The following LRRFIP2 variants were observed in gnomAD, a reference collection of about 807,000 sequenced individuals.
The protein encoded by LRRFIP2 is LRR binding FLII interacting protein 2.
LRRFIP2 carries 109 observed loss-of-function variants against 125.9 expected under a neutral mutation model. The observed-to-expected ratio is 0.87, with a 90% CI of 0.74 to 1.01. LRRFIP2 has a LOEUF of 1.01. Among genes scored for constraint, LRRFIP2 ranks in the 50% least tolerant of loss-of-function variants. The pLI, the probability that LRRFIP2 is intolerant of heterozygous loss-of-function variation, is 0.00. For missense variants in LRRFIP2, 850 were observed against 862.3 expected, an observed-to-expected ratio of 0.99 and a Z score of 0.18; for synonymous variants, 291 against 293.1, an observed-to-expected ratio of 0.99 and a Z score of 0.07.
intron 18 of LRRFIP2, among the ~76,000 whole-genome samples, chr3:37,087,790 T>C (rs1487322575): frequency 6.6e-6 from 1 of 152,136 alleles, no homozygotes; most frequent in Non-Finnish European, 1.5e-5. Flanking sequence ...GGTTTCACCA[T>C]GTTGGCCAGG....
chr3:37,090,869 A>G (rs1040204422), intron 18 of LRRFIP2, among the ~76,000 whole-genome samples: 5 of 152,204 alleles, frequency 3.3e-5, no homozygotes, highest in African/African-American at 1.2e-4. Context: ...GGGGATATTT[A>G]TAATAATGGT....
intron 19 of LRRFIP2, among the ~76,000 whole-genome samples, chr3:37,082,970 A>C (rs1264012282): frequency 6.6e-6 from 1 of 152,210 alleles, no homozygotes; most frequent in Non-Finnish European, 1.5e-5. Context: ...TTCTGGCAAT[A>C]ATACCCATTT....
intron 20 of LRRFIP2, 65 bp from the exon 21 acceptor site, chr3:37,072,947 G>T: frequency 9.6e-7 from 1 of 1,044,634 alleles, no homozygotes; most frequent in Non-Finnish European, 1.4e-6. Flanking sequence ...GAGGTTTGAG[G>T]GAGGAAACAA....
Position 37,103,005 on chromosome 3 carries a change from G to A in LRRFIP2, c.792C>T (p.Ala264=), listed in dbSNP as rs143261025. ...SRGRRESVVS[A]ADYFSRSNRR... is the part of the protein sequence containing the mutation. The stretch of plus-strand genomic sequence containing the variant: ...GATTGGAGCGACTGAAATAATCAGC[G>A]GCAGATACCTTTCGGTCAGAAAAAA... Residue 264 remains alanine, a synonymous_variant, in exon 15 of 28, where the codon GCC becomes GCT. Coordinates refer to ENST00000336686, the MANE Select transcript of LRRFIP2 (RefSeq NM_006309.4). 6.2e-5 allele frequency: 96 copies of A among 1,559,596 alleles called. No individual in the cohort carries two copies. In the Admixed American group the frequency reaches 7.5e-4, roughly 12 times the overall value.
At chr3:37,107,771 C>T (rs2094397478) in intron 13 of LRRFIP2, among the ~76,000 whole-genome samples, 6 of 152,048 alleles carry the variant, frequency 3.9e-5, no homozygotes, top group Admixed American at 3.9e-4. Context: ...TCAACCTATA[C>T]AATGAATTAT....
chr3:37,168,710 T>A (rs1279328602), intron 1 of LRRFIP2, among the ~76,000 whole-genome samples: 1 of 152,240 alleles, frequency 6.6e-6, no homozygotes, highest in Non-Finnish European at 1.5e-5. Flanking sequence ...GATGTTCCAG[T>A]CAACAATGGA....
intron 7 of LRRFIP2, 115 bp from the exon 8 acceptor site, chr3:37,113,095 A>G (rs1210656834): frequency 3.7e-6 from 2 of 546,658 alleles, no homozygotes; most frequent in Non-Finnish European, 6.6e-6. Context: ...ACAATAGTTT[A>G]CATGCAATTT....
At chr3:37,054,994 A>G (rs897834659) in intron 26 of LRRFIP2, 92 bp downstream of exon 26, 2 of 778,108 alleles carry the variant, frequency 2.6e-6, no homozygotes, top group African/African-American at 1.8e-5. Flanking sequence ...TATTGATCCA[A>G]CTGCAAAGGC....
At position 37,121,677 on chromosome 3, in the gene LRRFIP2, C is replaced by G. The variant is rs1465523254; in HGVS notation, c.243G>C (p.Arg81Ser). ...QIQKWLEDSE[R>S]ARYSHRSSHH... The stretch of plus-strand genomic sequence containing the variant: ...GACTGGACCGGTGGGAATACCTGGC[C>G]CTTTCCGAATCTTCCTGGGAAAGGA... Residue 81 changes from arginine (R) to serine (S), a missense_variant, in exon 5 of 28, where the codon AGG (arginine) becomes AGC (serine). Arg to Ser is a moderately radical substitution (Grantham distance 110). Transcript: ENST00000336686. The G allele has an allele frequency of 6.2e-7, 1 of 1,613,898 alleles. No homozygotes were observed. Among genetic ancestry groups the G allele is most frequent in the Non-Finnish European group, 8.5e-7 (1 of 1,179,988 alleles).
At chr3:37,094,601 GA>G (rs1212913553) in intron 17 of LRRFIP2, among the ~76,000 whole-genome samples, 190 bp downstream of exon 17, 1 of 152,054 alleles carries the variant, frequency 6.6e-6, no homozygotes, top group African/African-American at 2.4e-5. Context: ...AAAGAGGACA[GA>G]AAAAAGAACT....
intron 18 of LRRFIP2, among the ~76,000 whole-genome samples, chr3:37,087,687 C>G (rs2093152653): frequency 6.6e-6 from 1 of 151,938 alleles, no homozygotes; most frequent in Non-Finnish European, 1.5e-5. Context: ...CTCCCGGGTT[C>G]AAGTGATTCT....
At chr3:37,098,894 A>G (rs2093874520) in intron 15 of LRRFIP2, among the ~76,000 whole-genome samples, 1 of 152,206 alleles carries the variant, frequency 6.6e-6, no homozygotes. Context: ...AGCACACAGC[A>G]TTCAAAATTA....
At chr3:37,058,650 G>C (rs906814784) in intron 25 of LRRFIP2, 140 bp downstream of exon 25, 7 of 845,066 alleles carry the variant, frequency 8.3e-6, no homozygotes, top group Non-Finnish European at 1.1e-5. Context: ...ACTCTGACCT[G>C]GGTGACAGAG....
chr3:37,153,479 T>C (rs1184884741), intron 1 of LRRFIP2, among the ~76,000 whole-genome samples: 1 of 152,152 alleles, frequency 6.6e-6, no homozygotes, highest in Non-Finnish European at 1.5e-5. Flanking sequence ...AAACATAATA[T>C]GCCATACTAC....
intron 13 of LRRFIP2, among the ~76,000 whole-genome samples, chr3:37,106,011 G>T (rs2149370035): frequency 6.6e-6 from 1 of 152,258 alleles, no homozygotes; most frequent in Admixed American, 6.5e-5. Context: ...GTTGCAGTGA[G>T]CCAAGATCGT....
chr3:37,126,807 T>A (rs1245126647), intron 4 of LRRFIP2, among the ~76,000 whole-genome samples: 1 of 150,680 alleles, frequency 6.6e-6, no homozygotes, highest in African/African-American at 2.4e-5. Flanking sequence ...TGCAGTGAGC[T>A]GAGATTGTGC....
chr3:37,162,198 C>T (rs1434451281), intron 1 of LRRFIP2, among the ~76,000 whole-genome samples: 1 of 119,244 alleles, frequency 8.4e-6, no homozygotes, highest in Non-Finnish European at 1.8e-5. Flanking sequence ...AGAGAGAAAA[C>T]AAAAATAAAT....
In LRRFIP2 at chr3:37,094,875, G is replaced by A. The variant is rs959293272; in HGVS notation, c.952C>T (p.Pro318Ser). ...CGTCTGGATGAGTTTCCACTTAGAG[G>A]GGTTGTTGCTGAGGCAGAATTTCGA... ...SSRNSASATT[P>S]LSGNSSRRGS... Residue 318 changes from proline (P) to serine (S), a missense_variant, in exon 17 of 28, where the codon CCT (proline) becomes TCT (serine). Pro to Ser is a moderately conservative substitution (Grantham distance 74, BLOSUM62 -1). Transcript: ENST00000336686. 1.2e-6 allele frequency: 2 copies of A among 1,613,758 alleles called. No homozygotes were observed. The highest frequency in any genetic ancestry group is 4.5e-5 in the East Asian group (2 of 44,860).
intron 21 of LRRFIP2, 130 bp from the exon 22 acceptor site, chr3:37,066,455 G>T: frequency 1.4e-6 from 1 of 718,606 alleles, no homozygotes; most frequent in South Asian, 1.5e-5. Context: ...CAAAAGATTG[G>T]AAACAAACAG....
Sources: gnomAD v4.1 joint callset for allele counts (sites outside exome capture counted in the v4.1 genomes callset) on GRCh38, gnomAD v4.1.1 for gene constraint, MANE v1.5 for transcripts, NCBI Gene and HGNC (gene_info 2026-07-23, HGNC 2026-07-21) for gene names.